Variants in ANK2 observed in about 807,000 individuals in gnomAD.
ANK2 encodes the protein ankyrin 2.
Under a neutral mutation model 360.5 loss-of-function variants are expected in ANK2, and 83 were observed. The ratio of observed to expected loss-of-function variants is 0.23; its 90% confidence interval spans 0.19 to 0.28. The LOEUF (loss-of-function observed/expected upper bound fraction) is 0.28. ANK2 is among the 10% of genes least tolerant of loss of function. ANK2 has a pLI of 1.00. For synonymous variants in ANK2, 1,740 were observed against 1,759.5 expected, an observed-to-expected ratio of 0.99 and a Z score of 0.28; for missense variants, 4,201 against 4,795.7, an observed-to-expected ratio of 0.88 and a Z score of 3.66.
At chr4:112,759,811 T>G in the ANK2 span, among the ~76,000 whole-genome samples, 2 of 152,148 alleles carry the variant, frequency 1.3e-5, no homozygotes, top group Admixed American at 1.3e-4. Context: ...ATATATATAT[T>G]TTTCTCTTTC....
At chr4:113,350,099 C>G (rs2095305029) in intron 36 of ANK2, 129 bp from the exon 37 acceptor site, 1 of 787,718 alleles carries the variant, frequency 1.3e-6, no homozygotes, top group Non-Finnish European at 2.1e-6. Context: ...TAGCAAATTA[C>G]TCTGACCTTC....
At chr4:112,818,156 A>G (rs2055858370) in exon 1 of ANK2, 1 of 152,222 alleles carries the variant, frequency 6.6e-6, no homozygotes, top group Non-Finnish European at 1.5e-5. Flanking sequence ...CTGCTGTCTC[A>G]TAGACATCAG....
chr4:112,767,115 T>G, the ANK2 span, among the ~76,000 whole-genome samples: 6 of 152,226 alleles, frequency 3.9e-5, no homozygotes, highest in Non-Finnish European at 8.8e-5. Context: ...CTAAGGGATA[T>G]TCCAAACAAA....
At chr4:112,735,654 T>C in the ANK2 span, among the ~76,000 whole-genome samples, 4 of 152,222 alleles carry the variant, frequency 2.6e-5, no homozygotes, top group Non-Finnish European at 4.4e-5. Context: ...GTACCATTCA[T>C]GGGGTATGTA....
At chr4:113,257,259 C>T (rs2050010756) in intron 11 of ANK2, among the ~76,000 whole-genome samples, 1 of 152,124 alleles carries the variant, frequency 6.6e-6, no homozygotes, top group Admixed American at 6.5e-5. Flanking sequence ...AAGCACCGGG[C>T]CATTTAACAT....
the ANK2 span, among the ~76,000 whole-genome samples, chr4:112,722,911 C>T: frequency 6.6e-6 from 1 of 151,854 alleles, no homozygotes; most frequent in Non-Finnish European, 1.5e-5. Flanking sequence ...CTGCAGTGAG[C>T]CATGATCACG....
At chr4:112,943,043 C>G (rs1210904130) in intron 2 of ANK2, among the ~76,000 whole-genome samples, 2 of 152,052 alleles carry the variant, frequency 1.3e-5, no homozygotes, top group South Asian at 2.1e-4. Context: ...CTGTGGTGAA[C>G]AAGGTCTTGC....
chr4:113,341,625 T>A, intron 32 of ANK2, 63 bp from the exon 33 acceptor site: 1 of 1,542,272 alleles, frequency 6.5e-7, no homozygotes, highest in Non-Finnish European at 9.0e-7. Context: ...TTGAAGGAAC[T>A]GATTTTATTT....
In ANK2 at chr4:113,288,249, T is replaced by C. The variant is rs934156873; in HGVS notation, c.2179-139T>C. ...CCTGTGGTCAGGGGCACATATATAA[T>C]CTGCTAAATAATATCTTTAGTCAAA... On this transcript the variant is annotated intron_variant, in intron 19 of 45. Coordinates refer to ENST00000357077, the MANE Select transcript of ANK2 (RefSeq NM_001148.6). The C allele has an allele frequency of 1.3e-5, 10 of 748,798 alleles. No individual in the cohort carries two copies. The African/African-American group carries it at 1.8e-4, about 13-fold the overall frequency. The allele number at this position is 748,798 out of a possible 1,614,324, so 46.4% of individuals were successfully genotyped here.
chr4:113,318,583 G>A lies in ANK2; in HGVS notation c.2863G>A (p.Asp955Asn). Residue 955 changes from aspartate (D) to asparagine (N), a missense_variant, in exon 26 of 46, where the codon GAC (aspartate) becomes AAC (asparagine). Asp to Asn is a conservative substitution (Grantham distance 23). Transcript: ENST00000357077. ...CCTAAGCTGGGGCACTGAGAACTTA[G>A]ACAACGTGGCTCTTTCTTCTAGTCC... is the stretch of plus-strand genomic sequence containing the variant. ...YRLSWGTENL[D>N]NVALSSSPIH... is the part of the protein sequence containing the mutation. 6.2e-7 allele frequency: 1 copy of A among 1,613,706 alleles called. No individual in the cohort carries two copies. The highest frequency in any genetic ancestry group is 8.5e-7 in the Non-Finnish European group (1 of 1,179,780).
chr4:113,088,074 T>C (rs1169216994), intron 1 of ANK2, among the ~76,000 whole-genome samples: 1 of 152,222 alleles, frequency 6.6e-6, no homozygotes, highest in African/African-American at 2.4e-5. Flanking sequence ...TTTTTTTTAA[T>C]AAGAAATCAT....
chr4:112,860,196 C>T (rs1001485161), intron 1 of ANK2, among the ~76,000 whole-genome samples: 1 of 152,058 alleles, frequency 6.6e-6, no homozygotes, highest in African/African-American at 2.4e-5. Flanking sequence ...TTAATGGGAC[C>T]TAAGTTTTTA....
chr4:112,904,724 T>C (rs1469958801), intron 2 of ANK2, among the ~76,000 whole-genome samples: 1 of 152,120 alleles, frequency 6.6e-6, no homozygotes. Flanking sequence ...TGGTATCATT[T>C]GGGAATGAAA....
intron 26 of ANK2, among the ~76,000 whole-genome samples, chr4:113,320,607 A>G (rs2085602179): frequency 6.6e-6 from 1 of 152,146 alleles, no homozygotes; most frequent in Non-Finnish European, 1.5e-5. Context: ...GCGAGCCTAG[A>G]CTGCACCACT....
the ANK2 span, among the ~76,000 whole-genome samples, chr4:112,795,975 T>C: frequency 6.6e-6 from 1 of 151,430 alleles, no homozygotes; most frequent in Non-Finnish European, 1.5e-5. Context: ...AATTTTTGTA[T>C]TTTTTGTAGA....
chr4:113,371,245 C>T (rs1315869547), intron 43 of ANK2, among the ~76,000 whole-genome samples: 2 of 152,122 alleles, frequency 1.3e-5, no homozygotes, highest in Non-Finnish European at 2.9e-5. Flanking sequence ...TATCTGAAAT[C>T]ACAACTAAAA....
At chr4:113,351,118 C>T (rs1201702720) in intron 37 of ANK2, among the ~76,000 whole-genome samples, 1 of 152,092 alleles carries the variant, frequency 6.6e-6, no homozygotes, top group East Asian at 1.9e-4. Flanking sequence ...TTGAATTTTA[C>T]AGATTTCTGC....
intron 1 of ANK2, among the ~76,000 whole-genome samples, chr4:112,841,007 C>A (rs1197763477): frequency 6.6e-6 from 1 of 152,152 alleles, no homozygotes; most frequent in Non-Finnish European, 1.5e-5. Context: ...CTTTCCCTTC[C>A]CCACAAGGAA....
the ANK2 span, among the ~76,000 whole-genome samples, chr4:112,795,996 C>T: frequency 6.6e-6 from 1 of 151,808 alleles, no homozygotes; most frequent in African/African-American, 2.4e-5. Flanking sequence ...GATGGAGTTT[C>T]ACTATGTTGG....
Sources: allele counts gnomAD v4.1 joint callset (sites outside exome capture counted in the v4.1 genomes callset), GRCh38; gene constraint gnomAD v4.1.1; transcripts MANE v1.5; gene names NCBI Gene and HGNC (gene_info 2026-07-23, HGNC 2026-07-21).